Variants in CADPS2 observed in about 807,000 individuals in gnomAD.
The protein encoded by CADPS2 is calcium dependent secretion activator 2, also known as calcium-dependent secretion activator 2.
Under a neutral mutation model 172.5 loss-of-function variants are expected in CADPS2, and 93 were observed. That is an observed-to-expected ratio of 0.54 (90% confidence interval 0.46 to 0.64). The LOEUF (loss-of-function observed/expected upper bound fraction) is 0.64. Among genes scored for constraint, CADPS2 ranks in the 30% least tolerant of loss-of-function variants. The pLI, the probability that CADPS2 is intolerant of heterozygous loss-of-function variation, is 0.00. For synonymous variants in CADPS2, 546 were observed against 555.2 expected (o/e 0.98, Z 0.23); for missense variants, 1,420 against 1,565.9 (o/e 0.91, Z 1.57).
At chr7:122,456,538 A>G (rs2053807241) in intron 14 of CADPS2, among the ~76,000 whole-genome samples, 1 of 152,208 alleles carries the variant, frequency 6.6e-6, no homozygotes, top group African/African-American at 2.4e-5. Flanking sequence ...TTTTAATTAC[A>G]GATAAAGTCA....
chr7:122,773,973 A>G lies in CADPS2; in HGVS notation c.340-36905T>C, dbSNP rs551682174. On this transcript the variant is annotated intron_variant, in intron 1 of 29. Coordinates refer to ENST00000449022, the MANE Select transcript of CADPS2 (RefSeq NM_017954.11). Reference sequence around the variant, plus strand: ...CTGCTTAGCTTTCTGTCTTGCATAAACTTTATATATTATAGGTCAAAGTTT... The same window carrying G: ...CTGCTTAGCTTTCTGTCTTGCATAAGCTTTATATATTATAGGTCAAAGTTT... Among the ~76,000 whole-genome samples, 329 of 152,140 alleles carry G rather than the reference A, an allele frequency of 2.2e-3. 1 individual carries two copies. The South Asian group carries it at 0.024, about 11-fold the overall frequency.
intron 8 of CADPS2, among the ~76,000 whole-genome samples, chr7:122,527,325 C>T (rs1373843302): frequency 6.6e-6 from 1 of 151,394 alleles, no homozygotes. Context: ...CTCACAGCAT[C>T]ACAAGGACCT....
At position 122,345,518 on chromosome 7, in the gene CADPS2, T is replaced by C. The variant is rs1347731400; in HGVS notation, c.3612+56A>G. 1.3e-5 allele frequency: 14 copies of C among 1,062,246 alleles called. No individual in the cohort carries two copies. The Admixed American group carries it at 2.5e-4, about 19-fold the overall frequency. 65.8% of individuals were successfully genotyped at this position (1,062,246 alleles called of 1,614,324 possible). A position where few individuals can be genotyped will look rare whatever the true frequency, so the allele number is the denominator to read the frequency against. On this transcript the variant is annotated intron_variant, in intron 28 of 29. Coordinates refer to ENST00000449022, the MANE Select transcript of CADPS2 (RefSeq NM_017954.11). ...GCAAACATACCATCAAAATTCAACTTTTCTCTTTGCAGTTTATCTATGGTG... is the reference window on the plus strand; with the variant it reads ...GCAAACATACCATCAAAATTCAACTCTTCTCTTTGCAGTTTATCTATGGTG...
chr7:122,579,502 G>A (rs2068526006), intron 7 of CADPS2, among the ~76,000 whole-genome samples: 1 of 140,006 alleles, frequency 7.1e-6, no homozygotes, highest in Non-Finnish European at 1.5e-5. Context: ...ATCCAATTTA[G>A]AAACTGCTTA....
At chr7:122,644,271 A>C (rs569970392) in intron 3 of CADPS2, among the ~76,000 whole-genome samples, 1 of 152,332 alleles carries the variant, frequency 6.6e-6, no homozygotes, top group South Asian at 2.1e-4. Context: ...ATCTACACAT[A>C]CAGATTTATC....
At chr7:122,575,178 T>TAAA (rs57716923) in intron 7 of CADPS2, among the ~76,000 whole-genome samples, 16,692 of 144,974 alleles carry the variant, frequency 0.12, 1,189 homozygotes, top group African/African-American at 0.2. Flanking sequence ...ATAATAAAAG[T>TAAA]AAAAAAAAAA....
At chr7:122,766,774 A>G (rs2093563542) in intron 1 of CADPS2, among the ~76,000 whole-genome samples, 1 of 152,162 alleles carries the variant, frequency 6.6e-6, no homozygotes, top group South Asian at 2.1e-4. Context: ...TCATGACATC[A>G]TAGCTGACAA....
intron 3 of CADPS2, among the ~76,000 whole-genome samples, chr7:122,659,429 C>T (rs557483622): frequency 6.6e-6 from 1 of 151,608 alleles, no homozygotes; most frequent in East Asian, 1.9e-4. Flanking sequence ...ATAAAAACTT[C>T]CCAAACTGAA....
At chr7:122,482,575 TAA>T (rs770056078) in intron 11 of CADPS2, among the ~76,000 whole-genome samples, 6 of 152,168 alleles carry the variant, frequency 3.9e-5, no homozygotes, top group Admixed American at 1.3e-4. Context: ...TTAAGTATTC[TAA>T]AAAAATTTAC....
rs200926726 is a variant in CADPS2, at chr7:122,366,610, TACACACACACACACAC to T, written c.3388-5613_3388-5598del. 2.6e-4 allele frequency among the ~76,000 whole-genome samples: 33 copies of T among 126,224 alleles called. No individual in the cohort carries two copies. In the East Asian group the frequency reaches 6.5e-3, roughly 25 times the overall value. The allele number at this position is 126,224 out of a possible 152,430, so 82.8% of individuals were successfully genotyped here. A position where few individuals can be genotyped will look rare whatever the true frequency, so the allele number is the denominator to read the frequency against. On this transcript the variant is annotated intron_variant, in intron 25 of 29. Transcript: ENST00000449022. Reference sequence around the variant, plus strand: ...ACAGTGCAAGACTCCATCTCAAAAATACACACACACACACACACACACACACACACACACACATATA... The same window carrying T: ...ACAGTGCAAGACTCCATCTCAAAAATACACACACACACACACACACATATA...
intron 2 of CADPS2, chr7:122,676,536 AG>A (rs2082399673): frequency 1.8e-6 from 1 of 556,278 alleles, no homozygotes; most frequent in Non-Finnish European, 3.1e-6. Flanking sequence ...CTTATGTTCA[AG>A]CAGCAGTTGG....
At chr7:122,709,451 T>G (rs545338798) in intron 2 of CADPS2, among the ~76,000 whole-genome samples, 1 of 151,952 alleles carries the variant, frequency 6.6e-6, no homozygotes, top group Non-Finnish European at 1.5e-5. Flanking sequence ...ACTTTTACAC[T>G]GTTGGTGGGA....
At chr7:122,679,278 C>G (rs79185122) in intron 2 of CADPS2, among the ~76,000 whole-genome samples, 10 of 31,626 alleles carry the variant, frequency 3.2e-4, no homozygotes, top group Non-Finnish European at 6.3e-4. Context: ...GGGGGGGGGG[C>G]TCTAAAATGG....
chr7:122,407,444 G>T, intron 20 of CADPS2, 96 bp downstream of exon 20: 1 of 1,320,980 alleles, frequency 7.6e-7, no homozygotes, highest in African/African-American at 1.5e-5. Context: ...GCGAACTCTT[G>T]TCAGGCCGGT....
At chr7:122,699,069 CT>C in intron 2 of CADPS2, 1 of 604,632 alleles carries the variant, frequency 1.7e-6, no homozygotes, top group Non-Finnish European at 2.9e-6. Context: ...TTAAAGATGG[CT>C]TATGAGTTTC....
At chr7:122,882,645 C>T (rs1285717835) in intron 1 of CADPS2, among the ~76,000 whole-genome samples, 2 of 146,272 alleles carry the variant, frequency 1.4e-5, no homozygotes, top group African/African-American at 5.1e-5. Context: ...ACTTTCTCCT[C>T]CGAGGTCTCA....
chr7:122,597,941 C>G (rs2072118825), intron 6 of CADPS2, among the ~76,000 whole-genome samples: 1 of 151,476 alleles, frequency 6.6e-6, no homozygotes, highest in Non-Finnish European at 1.5e-5. Context: ...AAGAATAACA[C>G]AAACATGGGA....
chr7:122,459,454 G>A (rs2054187970), intron 14 of CADPS2, among the ~76,000 whole-genome samples: 1 of 152,038 alleles, frequency 6.6e-6, no homozygotes, highest in Non-Finnish European at 1.5e-5. Flanking sequence ...TGGTTTTTTA[G>A]AAAGCACTTA....
At chr7:122,813,843 C>A (rs766393987) in intron 1 of CADPS2, among the ~76,000 whole-genome samples, 2 of 151,750 alleles carry the variant, frequency 1.3e-5, no homozygotes, top group Non-Finnish European at 2.9e-5. Context: ...CCCATTTTTT[C>A]AAATATCTTC....
Sources: gnomAD v4.1 joint callset for allele counts (sites outside exome capture counted in the v4.1 genomes callset) on GRCh38, gnomAD v4.1.1 for gene constraint, MANE v1.5 for transcripts, NCBI Gene and HGNC (gene_info 2026-07-23, HGNC 2026-07-21) for gene names.